Variants in COL4A4 observed in about 807,000 individuals in gnomAD.
COL4A4 encodes the protein collagen type IV alpha 4 chain.
In COL4A4, 105 loss-of-function variants were observed where a neutral mutation model predicts 192.9. That is an observed-to-expected ratio of 0.54 (90% CI 0.46 to 0.64). COL4A4 has a LOEUF of 0.64. Ranked by LOEUF, COL4A4 falls within the 30% of genes least tolerant of loss-of-function variation. The pLI is 0.00. For missense variants in COL4A4, 1,967 were observed against 2,169.3 expected (o/e 0.91, Z 1.85); for synonymous variants, 762 against 769.9 (o/e 0.99, Z 0.17).
intron 34 of COL4A4, 130 bp from the exon 35 acceptor site, chr2:227,047,679 T>C: frequency 3.0e-6 from 2 of 660,142 alleles, no homozygotes; most frequent in Non-Finnish European, 5.5e-6. Context: ...TTAAATACTT[T>C]TATTCTAAAT....
intron 5 of COL4A4, among the ~76,000 whole-genome samples, chr2:227,120,392 T>A (rs939723017): frequency 6.6e-6 from 1 of 152,172 alleles, no homozygotes; most frequent in Non-Finnish European, 1.5e-5. Flanking sequence ...CATAGCCTGA[T>A]AAGGAATGGT....
chr2:227,086,612 G>A (rs1242224487), intron 22 of COL4A4, among the ~76,000 whole-genome samples: 2 of 151,980 alleles, frequency 1.3e-5, no homozygotes, highest in Non-Finnish European at 2.9e-5. Flanking sequence ...AATCAGAAAC[G>A]TGGCCAGCCT....
At chr2:227,061,291 C>A (rs1976979169) in intron 26 of COL4A4, among the ~76,000 whole-genome samples, 1 of 152,222 alleles carries the variant, frequency 6.6e-6, no homozygotes, top group Admixed American at 6.5e-5. Flanking sequence ...CTTGCCATTG[C>A]CTTGTGGTGG....
chr2:227,001,247 A>G (rs1960893131), downstream of COL4A4, among the ~76,000 whole-genome samples: 1 of 151,922 alleles, frequency 6.6e-6, no homozygotes, highest in African/African-American at 2.4e-5. Flanking sequence ...GGTGCCCACC[A>G]CCTGGCCCAG....
At chr2:227,127,685 A>T (rs116047338) in intron 4 of COL4A4, among the ~76,000 whole-genome samples, 144 of 152,318 alleles carry the variant, frequency 9.5e-4, no homozygotes, top group African/African-American at 2.9e-3. Context: ...GGACCAAAAC[A>T]TATGGGGAAT....
intron 4 of COL4A4, among the ~76,000 whole-genome samples, chr2:227,135,891 AC>A (rs1488327031): frequency 2.0e-5 from 3 of 151,888 alleles, no homozygotes; most frequent in Admixed American, 6.6e-5. Context: ...TGATCCACCC[AC>A]CTCAGCCTCC....
At chr2:227,076,571 T>C (rs1482484929) in intron 25 of COL4A4, among the ~76,000 whole-genome samples, 1 of 152,176 alleles carries the variant, frequency 6.6e-6, no homozygotes, top group Non-Finnish European at 1.5e-5. Flanking sequence ...ATTCAGGACA[T>C]AGGCATGGGC....
intron 19 of COL4A4, among the ~76,000 whole-genome samples, chr2:227,095,593 C>G (rs2060168180): frequency 6.6e-6 from 1 of 152,172 alleles, no homozygotes; most frequent in Non-Finnish European, 1.5e-5. Flanking sequence ...CTGTCTTTGG[C>G]TTAAAGATAG....
Position 227,035,649 on chromosome 2 carries a change from G to A in COL4A4, c.3506-2168C>T, listed in dbSNP as rs191341157. ...CCTCTTTCCTATTTTATGAGCCAAC[G>A]TTTCAAGTTTGCACCAAAAGAACAC... On this transcript the variant is annotated intron_variant, in intron 37 of 47. Transcript: ENST00000396625. Among the ~76,000 whole-genome samples the A allele has an allele frequency of 1.2e-3, 186 of 152,078 alleles. 1 individual carries two copies. Among genetic ancestry groups the A allele is most frequent in the Middle Eastern group, 6.8e-3 (2 of 292 alleles).
At chr2:227,129,784 C>G (rs1259587875) in intron 4 of COL4A4, among the ~76,000 whole-genome samples, 3 of 152,270 alleles carry the variant, frequency 2.0e-5, no homozygotes, top group Non-Finnish European at 4.4e-5. Context: ...CTGTCTTGCA[C>G]AGTATAAATT....
At chr2:227,101,768 T>C (rs560742721) in intron 16 of COL4A4, 97 bp downstream of exon 16, 27 of 1,137,012 alleles carry the variant, frequency 2.4e-5, no homozygotes, top group Admixed American at 4.1e-5. Flanking sequence ...GCCTTCCTAA[T>C]TACTGTGTTT....
At chr2:227,021,704 A>G (rs1378471767) in intron 44 of COL4A4, among the ~76,000 whole-genome samples, 1 of 152,118 alleles carries the variant, frequency 6.6e-6, no homozygotes, top group Non-Finnish European at 1.5e-5. Context: ...GGGCGCCTGT[A>G]GTCCCAGCTA....
At chr2:227,135,228 C>T (rs1464138368) in intron 4 of COL4A4, among the ~76,000 whole-genome samples, 6 of 138,914 alleles carry the variant, frequency 4.3e-5, no homozygotes, top group East Asian at 4.1e-4. Context: ...CTGCTAGAGC[C>T]GAGGGGACCA....
Position 227,051,035 on chromosome 2 carries a change from G to A in COL4A4, c.3092C>T (p.Pro1031Leu). The A allele has an allele frequency of 6.2e-7, 1 of 1,614,210 alleles. No individual in the cohort carries two copies. Among genetic ancestry groups the A allele is most frequent in the Non-Finnish European group, 8.5e-7 (1 of 1,180,042 alleles). ...GQPGPPGPPG[P>L]PGSTGLRGFI... is the part of the protein sequence containing the mutation. ...CCCTCTTAGACCAGTTGAGCCTGGA[G>A]GGCCTGGGGGTCCAGGAGGCCCTGG... Residue 1031 changes from proline (P) to leucine (L), a missense_variant, in exon 33 of 48, where the codon CCT becomes CTT. By Grantham distance (98) the Pro-to-Leu change is moderately conservative (BLOSUM62 -3). Coordinates refer to ENST00000396625, the MANE Select transcript of COL4A4 (RefSeq NM_000092.5).
chr2:227,039,103 T>G (rs775139203), intron 37 of COL4A4, among the ~76,000 whole-genome samples: 33 of 152,294 alleles, frequency 2.2e-4, no homozygotes, highest in Admixed American at 6.5e-4. Flanking sequence ...GGAATTATGA[T>G]GTGATTGGAG....
chr2:227,036,335 C>T (rs1028554797), intron 37 of COL4A4, among the ~76,000 whole-genome samples: 2 of 152,154 alleles, frequency 1.3e-5, no homozygotes, highest in African/African-American at 2.4e-5. Flanking sequence ...AAACATTACT[C>T]GACACACCCA....
At chr2:227,113,972 T>C (rs1559658343) in intron 8 of COL4A4, among the ~76,000 whole-genome samples, 1 of 152,206 alleles carries the variant, frequency 6.6e-6, no homozygotes, top group Non-Finnish European at 1.5e-5. Context: ...CCATGGCTTC[T>C]CATCTGAGAG....
chr2:227,010,324 T>A lies in COL4A4; in HGVS notation c.4511A>T (p.Asn1504Ile), dbSNP rs892576800. The A allele has an allele frequency of 1.2e-6, 2 of 1,614,116 alleles. No homozygotes were observed. The highest frequency in any genetic ancestry group is 2.7e-5 in the African/African-American group (2 of 74,940). Reference sequence around the variant, plus strand: ...TCCTGTATCCATACCAAGGTCTTGATTGTGAGCTTTCTCTTGCCCTTCCAG... The same window carrying A: ...TCCTGTATCCATACCAAGGTCTTGAATGTGAGCTTTCTCTTGCCCTTCCAG... ...LYLEGQEKAH[N>I]QDLGLAGSCL... Residue 1504 changes from asparagine to isoleucine, a missense_variant, in exon 46 of 48, where the codon AAT (asparagine) becomes ATT (isoleucine). By Grantham distance (149) the Asn-to-Ile change is moderately radical. Transcript: ENST00000396625.
rs573596396 is a variant in COL4A4, at chr2:227,046,762, T to C, written c.3289+713A>G. 1.2e-3 allele frequency among the ~76,000 whole-genome samples: 180 copies of C among 152,160 alleles called. 2 individuals carry two copies. The highest frequency in any genetic ancestry group is 4.1e-3 in the African/African-American group (171 of 41,414). ...AACTCAAATGGTTTCCCTTTCCCTGTAAAGCATGGAGCTGTGCATAACACT... is the reference window on the plus strand; with the variant it reads ...AACTCAAATGGTTTCCCTTTCCCTGCAAAGCATGGAGCTGTGCATAACACT... On this transcript the variant is annotated intron_variant, in intron 35 of 47. Transcript: ENST00000396625.
Sources: gnomAD v4.1 joint callset for allele counts (sites outside exome capture counted in the v4.1 genomes callset) on GRCh38, gnomAD v4.1.1 for gene constraint, MANE v1.5 for transcripts, NCBI Gene and HGNC (gene_info 2026-07-23, HGNC 2026-07-21) for gene names.